The following CCDC62 variants were observed in gnomAD, a reference collection of about 807,000 sequenced individuals.
CCDC62 encodes coiled-coil domain containing 62, also known as coiled-coil domain-containing protein 62.
Under a neutral mutation model 80.8 loss-of-function variants are expected in CCDC62, and 72 were observed. That is an observed-to-expected ratio of 0.89 (90% confidence interval 0.74 to 1.08). The LOEUF (loss-of-function observed/expected upper bound fraction) is 1.08, where lower values mean the gene tolerates loss of function less well. CCDC62 is among the 50% of genes least tolerant of loss of function. CCDC62 has a pLI of 0.00. For missense variants in CCDC62, 704 were observed against 809.4 expected, an observed-to-expected ratio of 0.87 and a Z score of 1.58; for synonymous variants, 286 against 296.5, an observed-to-expected ratio of 0.96 and a Z score of 0.36.
At chr12:122,803,826 T>C (rs1029789139) in intron 9 of CCDC62, among the ~76,000 whole-genome samples, 2 of 152,208 alleles carry the variant, frequency 1.3e-5, no homozygotes, top group Non-Finnish European at 2.9e-5. Flanking sequence ...AGGACACTCA[T>C]ATATTAAGGG....
intron 6 of CCDC62, among the ~76,000 whole-genome samples, chr12:122,792,980 T>C (rs2030721127): frequency 6.6e-6 from 1 of 152,146 alleles, no homozygotes; most frequent in African/African-American, 2.4e-5. Flanking sequence ...AAACATAACA[T>C]AGATGCTCCT....
chr12:122,819,113 C>T (rs1221615935), intron 11 of CCDC62, among the ~76,000 whole-genome samples: 1 of 152,128 alleles, frequency 6.6e-6, no homozygotes, highest in Non-Finnish European at 1.5e-5. Context: ...GGTGCATTAA[C>T]TGATTCTAGA....
intron 5 of CCDC62, among the ~76,000 whole-genome samples, chr12:122,791,414 C>A (rs1226560479): frequency 1.3e-5 from 2 of 148,398 alleles, no homozygotes; most frequent in African/African-American, 5.0e-5. Flanking sequence ...GTTGGGATTA[C>A]AGGTGTGAGC....
At chr12:122,790,531 T>G (rs2030539239) in intron 5 of CCDC62, among the ~76,000 whole-genome samples, 1 of 152,038 alleles carries the variant, frequency 6.6e-6, no homozygotes, top group African/African-American at 2.4e-5. Flanking sequence ...GGTGGTGTGA[T>G]CCTGTAGTCC....
In CCDC62 at chr12:122,785,776, C is replaced by G. The variant is rs1018332531; in HGVS notation, c.454C>G (p.Leu152Val). The G allele has an allele frequency of 4.3e-6, 7 of 1,613,750 alleles. No homozygotes were observed. In the African/African-American group the frequency reaches 9.3e-5, roughly 22 times the overall value. Residue 152 changes from leucine to valine, a missense_variant, in exon 4 of 13, where the codon CTA becomes GTA. Transcript: ENST00000253079. ...LVELSAQVGQ[L>V]QAREQALTTM... Reference sequence around the variant, plus strand: ...GGAACTTTCTGCCCAGGTAGGACAGCTACAAGCTCGAGAACAAGCTCTTAC... The same window carrying G: ...GGAACTTTCTGCCCAGGTAGGACAGGTACAAGCTCGAGAACAAGCTCTTAC...
rs1412762139 is a variant in CCDC62, at chr12:122,801,182, GA to G, written c.1043del (p.Asn348IlefsTer45). 3 of 1,613,744 alleles carry G rather than the reference GA, an allele frequency of 1.9e-6. No individual in the cohort carries two copies. The East Asian group carries it at 6.7e-5, about 36-fold the overall frequency. ...CCACCCAAAAGTCGATATTAAGAGGGAAAAAAATCAGAAGTCACTGTTTAAG... is the reference window on the plus strand; with the variant it reads ...CCACCCAAAAGTCGATATTAAGAGGGAAAAAATCAGAAGTCACTGTTTAAG... ...NNHPKVDIKREKNQKSLFKDQ... is the reference protein window; with the variant it reads ...NNHPKVDIKRXKNQKSLFKDQ... On this transcript the variant is annotated frameshift_variant, in exon 9 of 13. Coordinates refer to ENST00000253079, the MANE Select transcript of CCDC62 (RefSeq NM_201435.5). LOFTEE classifies it high-confidence loss of function.
intron 10 of CCDC62, among the ~76,000 whole-genome samples, chr12:122,809,306 A>G (rs1036162983): frequency 6.6e-6 from 1 of 151,952 alleles, no homozygotes; most frequent in African/African-American, 2.4e-5. Context: ...CCTGGCCAAC[A>G]TGGTGAAACC....
Position 122,823,451 on chromosome 12 carries a change from T to C in CCDC62, c.*32T>C. On this transcript the variant is annotated 3_prime_UTR_variant, in exon 12 of 13. Transcript: ENST00000253079. ...CAAAAGGCAACTTCAGTATTCATCG[T>C]GATCACGAGTAAGTCACCTTTGCTT... 2 of 1,499,608 alleles carry C rather than the reference T, an allele frequency of 1.3e-6. No individual in the cohort carries two copies. Among genetic ancestry groups the C allele is most frequent in the Non-Finnish European group, 1.9e-6 (2 of 1,076,552 alleles). 92.9% of individuals were successfully genotyped at this position (1,499,608 alleles called of 1,614,324 possible). A position where few individuals can be genotyped will look rare whatever the true frequency, so the allele number is the denominator to read the frequency against.
chr12:122,812,777 G>GAAAAAGAAAGAA (rs1555257980), intron 10 of CCDC62, among the ~76,000 whole-genome samples: 1 of 57,760 alleles, frequency 1.7e-5, no homozygotes, highest in Non-Finnish European at 3.1e-5. Flanking sequence ...GAGAGAGAGA[G>GAAAAAGAAAGAA]AGAAAGAAAG....
chr12:122,812,787 G>GAAAGA (rs921649634), intron 10 of CCDC62, among the ~76,000 whole-genome samples: 1 of 124,936 alleles, frequency 8.0e-6, no homozygotes. Context: ...GAGAAAGAAA[G>GAAAGA]AAAGAAAGAA....
intron 2 of CCDC62, among the ~76,000 whole-genome samples, chr12:122,778,970 G>A (rs554068919): frequency 2.0e-5 from 3 of 152,202 alleles, no homozygotes; most frequent in South Asian, 2.1e-4. Context: ...ACCCACACAC[G>A]TATATACACA....
intron 6 of CCDC62, among the ~76,000 whole-genome samples, chr12:122,792,377 C>T (rs839363): frequency 0.8 from 121,000 of 151,596 alleles, 49,235 homozygotes; most frequent in Middle Eastern, 0.9. Flanking sequence ...TGAGCCACCA[C>T]GCCCGGCTAA....
chr12:122,790,262 G>T (rs1468860834), intron 5 of CCDC62, among the ~76,000 whole-genome samples: 1 of 152,084 alleles, frequency 6.6e-6, no homozygotes, highest in Non-Finnish European at 1.5e-5. Context: ...TGTTGGTCAG[G>T]CTGGTCTCAA....
In CCDC62 at chr12:122,821,287, G is replaced by A. The variant is rs912693384; in HGVS notation, c.2002-2079G>A. On this transcript the variant is annotated intron_variant, in intron 11 of 12. Coordinates refer to ENST00000253079, the MANE Select transcript of CCDC62 (RefSeq NM_201435.5). ...ATCTGGGCATTAGCTGATGGCCAGCGTTTAGCTGTAACACACATGGTGAAG... is the reference window on the plus strand; with the variant it reads ...ATCTGGGCATTAGCTGATGGCCAGCATTTAGCTGTAACACACATGGTGAAG... Among the ~76,000 whole-genome samples, 4 of 152,156 alleles carry A rather than the reference G, an allele frequency of 2.6e-5. No homozygotes were observed. In the East Asian group the frequency reaches 5.8e-4, roughly 22 times the overall value.
In CCDC62 at chr12:122,777,475, C is replaced by T. The variant is rs758153612; in HGVS notation, c.37-16C>T. ...ATTTCATTCTATTTTGATGTGAAACCGCTTTCTATGTTTAGAACATCGGGT... is the reference window on the plus strand; with the variant it reads ...ATTTCATTCTATTTTGATGTGAAACTGCTTTCTATGTTTAGAACATCGGGT... On this transcript the variant is annotated splice_polypyrimidine_tract_variant and intron_variant, in intron 1 of 12. Transcript: ENST00000253079. 22 of 1,583,342 alleles carry T rather than the reference C, an allele frequency of 1.4e-5. No homozygotes were observed. The highest frequency in any genetic ancestry group is 7.3e-5 in the Admixed American group (4 of 54,772).
At chr12:122,789,735 G>A (rs1040671515) in intron 5 of CCDC62, among the ~76,000 whole-genome samples, 5 of 151,986 alleles carry the variant, frequency 3.3e-5, no homozygotes, top group Admixed American at 6.6e-5. Context: ...ACACCCAGCC[G>A]ATCTTTGCTG....
chr12:122,806,734 C>G (rs549613947), intron 10 of CCDC62, among the ~76,000 whole-genome samples: 1 of 151,326 alleles, frequency 6.6e-6, no homozygotes, highest in South Asian at 2.1e-4. Context: ...CTTGCCTTGG[C>G]CTCCCAAAGT....
At chr12:122,823,243 G>A (rs2032485281) in intron 11 of CCDC62, 123 bp from the exon 12 acceptor site, 2 of 708,468 alleles carry the variant, frequency 2.8e-6, no homozygotes, top group Admixed American at 4.6e-5. Context: ...TTATAGGCAT[G>A]AGCCACCACG....
At chr12:122,792,219 TTTGAGACAGGGTC>T in intron 6 of CCDC62, 98 bp downstream of exon 6, 2 of 608,234 alleles carry the variant, frequency 3.3e-6, no homozygotes, top group Non-Finnish European at 5.8e-6. Context: ...TTTTTTTTTT[TTTGAGACAGGGTC>T]TTTTTTGAGA....
Sources: gnomAD v4.1 joint callset for allele counts (sites outside exome capture counted in the v4.1 genomes callset) on GRCh38, gnomAD v4.1.1 for gene constraint, MANE v1.5 for transcripts, NCBI Gene and HGNC (gene_info 2026-07-23, HGNC 2026-07-21) for gene names.